GALNT13: variants seen among roughly 807,000 people sequenced by gnomAD.
The protein encoded by GALNT13 is UDP-GalNAc:polypeptide N-acetylgalactosaminyltransferase 13.
Under a neutral mutation model 64.2 loss-of-function variants are expected in GALNT13, and 28 were observed. The observed-to-expected ratio is 0.44, with a 90% CI of 0.32 to 0.60. The LOEUF (loss-of-function observed/expected upper bound fraction) is 0.60, where lower values mean the gene tolerates loss of function less well. Ranked by LOEUF, GALNT13 falls within the 20% of genes least tolerant of loss-of-function variation. The pLI is 0.05. For synonymous variants in GALNT13, 214 were observed against 224.6 expected, an observed-to-expected ratio of 0.95 and a Z score of 0.42; for missense variants, 577 against 669.8, an observed-to-expected ratio of 0.86 and a Z score of 1.53.
At chr2:153,556,802 T>C in the GALNT13 span, among the ~76,000 whole-genome samples, 4 of 152,334 alleles carry the variant, frequency 2.6e-5, no homozygotes, top group South Asian at 8.3e-4. Context: ...TGAGGCCCTG[T>C]TCTCTGCTGG....
chr2:154,053,574 A>G (rs1406291886), intron 3 of GALNT13, among the ~76,000 whole-genome samples: 1 of 152,100 alleles, frequency 6.6e-6, no homozygotes, highest in Non-Finnish European at 1.5e-5. Context: ...TTTGCTTTTT[A>G]TTGAAAAACA....
the GALNT13 span, among the ~76,000 whole-genome samples, chr2:153,090,654 C>A: frequency 6.6e-6 from 1 of 152,268 alleles, no homozygotes; most frequent in East Asian, 1.9e-4. Flanking sequence ...CTAAGTTGGA[C>A]AGCATATGGG....
chr2:153,552,389 G>A, the GALNT13 span, among the ~76,000 whole-genome samples: 2 of 152,122 alleles, frequency 1.3e-5, no homozygotes, highest in African/African-American at 2.4e-5. Flanking sequence ...AAGGACAATT[G>A]CAAGGACGAT....
intron 12 of GALNT13, among the ~76,000 whole-genome samples, chr2:154,440,232 G>A (rs569523731): frequency 6.6e-6 from 1 of 152,230 alleles, no homozygotes; most frequent in East Asian, 1.9e-4. Context: ...ATTAAGAAAG[G>A]GGAATGATCG....
chr2:154,362,249 AC>A (rs963724856), intron 9 of GALNT13, among the ~76,000 whole-genome samples: 1 of 70,568 alleles, frequency 1.4e-5, no homozygotes, highest in Non-Finnish European at 3.0e-5. Context: ...CCCCACCCCC[AC>A]CCCACCCCAC....
chr2:153,178,438 T>C, the GALNT13 span, among the ~76,000 whole-genome samples: 1 of 152,170 alleles, frequency 6.6e-6, no homozygotes, highest in Non-Finnish European at 1.5e-5. Flanking sequence ...GTGGTTTTAG[T>C]TTGCATTTCC....
chr2:154,410,719 A>G (rs1328648529), intron 11 of GALNT13, among the ~76,000 whole-genome samples: 1 of 151,510 alleles, frequency 6.6e-6, no homozygotes, highest in African/African-American at 2.4e-5. Flanking sequence ...AGTGCCAGCC[A>G]TAATCTGTTT....
chr2:153,946,942 T>G (rs1558868550), intron 3 of GALNT13, among the ~76,000 whole-genome samples: 1 of 152,060 alleles, frequency 6.6e-6, no homozygotes, highest in Non-Finnish European at 1.5e-5. Context: ...CAGATGATGC[T>G]GTGCAAAGTG....
the GALNT13 span, among the ~76,000 whole-genome samples, chr2:153,233,044 C>T: frequency 1.2e-4 from 19 of 152,116 alleles, no homozygotes; most frequent in African/African-American, 4.6e-4. Context: ...AATTAGAAAC[C>T]GTGGCTCTCA....
chr2:153,472,983 A>G, the GALNT13 span, among the ~76,000 whole-genome samples: 3 of 152,172 alleles, frequency 2.0e-5, no homozygotes, highest in Non-Finnish European at 2.9e-5. Flanking sequence ...GAGTTGAACA[A>G]TGAGAATATA....
chr2:153,373,783 T>C, the GALNT13 span, among the ~76,000 whole-genome samples: 1 of 152,156 alleles, frequency 6.6e-6, no homozygotes, highest in South Asian at 2.1e-4. Flanking sequence ...TCTACTTTCT[T>C]TTTCTCTACT....
chr2:153,207,375 A>G, the GALNT13 span, among the ~76,000 whole-genome samples: 1 of 152,114 alleles, frequency 6.6e-6, no homozygotes, highest in South Asian at 2.1e-4. Flanking sequence ...GGGAGGCAAG[A>G]CTAGCTTGTA....
the GALNT13 span, among the ~76,000 whole-genome samples, chr2:153,116,333 T>C: frequency 6.6e-6 from 1 of 152,296 alleles, no homozygotes; most frequent in East Asian, 1.9e-4. Flanking sequence ...GACTGATTTT[T>C]TTCTTTTAAT....
the GALNT13 span, among the ~76,000 whole-genome samples, chr2:153,705,489 C>T: frequency 0.021 from 3,118 of 151,944 alleles, 93 homozygotes; most frequent in East Asian, 0.12. Context: ...TTCTCTCTTA[C>T]GTATCTGCAG....
intron 4 of GALNT13, among the ~76,000 whole-genome samples, chr2:154,187,447 A>G (rs1686319209): frequency 6.6e-6 from 1 of 151,368 alleles, no homozygotes; most frequent in African/African-American, 2.4e-5. Flanking sequence ...CTCAGGTGGA[A>G]TCCACTCTGA....
intron 6 of GALNT13, among the ~76,000 whole-genome samples, chr2:154,243,307 C>T (rs913002253): frequency 1.3e-5 from 2 of 152,120 alleles, no homozygotes; most frequent in African/African-American, 4.8e-5. Context: ...CCACATCTAA[C>T]TTGCTCCTGT....
chr2:154,156,323 A>G (rs1480233766), intron 4 of GALNT13, among the ~76,000 whole-genome samples: 1 of 152,074 alleles, frequency 6.6e-6, no homozygotes, highest in Non-Finnish European at 1.5e-5. Context: ...TATATTTTAT[A>G]AGAAATTTAA....
intron 3 of GALNT13, among the ~76,000 whole-genome samples, chr2:154,081,274 A>G (rs938305809): frequency 1.3e-5 from 2 of 151,570 alleles, no homozygotes; most frequent in Non-Finnish European, 3.0e-5. Flanking sequence ...CATATTTAAA[A>G]CACCACAATA....
the GALNT13 span, among the ~76,000 whole-genome samples, chr2:153,671,763 G>C: frequency 2.6e-5 from 4 of 152,158 alleles, no homozygotes; most frequent in African/African-American, 7.2e-5. Context: ...TGGCAAATTG[G>C]ATAAAGAGTC....
Sources: allele counts gnomAD v4.1 joint callset (sites outside exome capture counted in the v4.1 genomes callset), GRCh38; gene constraint gnomAD v4.1.1; transcripts MANE v1.5; gene names NCBI Gene and HGNC (gene_info 2026-07-23, HGNC 2026-07-21).